NXPH1: variants seen among roughly 807,000 people sequenced by gnomAD.
The protein encoded by NXPH1 is neurexophilin 1, also known as neurexophilin-1.
NXPH1 carries 5 observed loss-of-function variants against 23.7 expected under a neutral mutation model. That is an observed-to-expected ratio of 0.21 (90% CI 0.11 to 0.44). NXPH1 has a LOEUF of 0.44. NXPH1 is among the 20% of genes least tolerant of loss of function. NXPH1 has a pLI of 0.99. For synonymous variants in NXPH1, 144 were observed against 122.2 expected (o/e 1.18, Z -1.18); for missense variants, 324 against 321.6 (o/e 1.01, Z -0.06).
intron 2 of NXPH1, among the ~76,000 whole-genome samples, chr7:8,653,324 G>C: frequency 6.6e-6 from 1 of 152,134 alleles, no homozygotes; most frequent in East Asian, 1.9e-4. Context: ...TATTTTAGCA[G>C]TTTTGGTGGT....
At chr7:8,602,193 T>C (rs1162631573) in intron 2 of NXPH1, among the ~76,000 whole-genome samples, 1 of 152,184 alleles carries the variant, frequency 6.6e-6, no homozygotes, top group Non-Finnish European at 1.5e-5. Flanking sequence ...AATATTTTGG[T>C]GTTATATGCT....
At chr7:8,459,769 C>T (rs1337635443) in intron 2 of NXPH1, among the ~76,000 whole-genome samples, 1 of 152,106 alleles carries the variant, frequency 6.6e-6, no homozygotes, top group Non-Finnish European at 1.5e-5. Flanking sequence ...GATATAAAAT[C>T]CCATTATGAA....
At chr7:8,474,782 T>G (rs888991660) in intron 2 of NXPH1, among the ~76,000 whole-genome samples, 1 of 152,112 alleles carries the variant, frequency 6.6e-6, no homozygotes, top group Non-Finnish European at 1.5e-5. Context: ...TTTTCCAACC[T>G]CACTTTTATA....
At chr7:8,440,261 C>A (rs529772722) in intron 2 of NXPH1, among the ~76,000 whole-genome samples, 2 of 152,366 alleles carry the variant, frequency 1.3e-5, no homozygotes, top group East Asian at 3.9e-4. Flanking sequence ...AAGAAAGCAG[C>A]TCGCCCAAGT....
At chr7:8,637,353 G>T (rs1055049379) in intron 2 of NXPH1, among the ~76,000 whole-genome samples, 3 of 151,990 alleles carry the variant, frequency 2.0e-5, no homozygotes, top group African/African-American at 7.2e-5. Flanking sequence ...TTCTTCAGTA[G>T]CTGGGACCAC....
chr7:8,547,072 TA>T (rs1377895809), intron 2 of NXPH1, among the ~76,000 whole-genome samples: 5 of 151,382 alleles, frequency 3.3e-5, no homozygotes, highest in African/African-American at 1.2e-4. Context: ...CTGAAGTCTA[TA>T]TGGAAGTAAC....
intron 2 of NXPH1, among the ~76,000 whole-genome samples, chr7:8,665,076 A>G (rs2115164750): frequency 1.1e-5 from 1 of 87,296 alleles, no homozygotes; most frequent in East Asian, 4.6e-4. Flanking sequence ...ATCTGGGGTC[A>G]TATAAAAAAA....
At chr7:8,540,330 AT>A (rs1818094579) in intron 2 of NXPH1, among the ~76,000 whole-genome samples, 1 of 151,852 alleles carries the variant, frequency 6.6e-6, no homozygotes, top group African/African-American at 2.4e-5. Flanking sequence ...TTGGGGCCAA[AT>A]TTACACTGAA....
At chr7:8,630,375 C>A (rs970057822) in intron 2 of NXPH1, among the ~76,000 whole-genome samples, 1 of 151,966 alleles carries the variant, frequency 6.6e-6, no homozygotes. Flanking sequence ...CATTTTATGT[C>A]CAGGATTGGA....
intron 2 of NXPH1, among the ~76,000 whole-genome samples, chr7:8,608,308 C>A (rs946994154): frequency 6.7e-6 from 1 of 150,296 alleles, no homozygotes. Context: ...TTCATTAGGA[C>A]AAATTCTTAA....
In NXPH1 at chr7:8,654,711, TTA is replaced by T. The variant is rs202071268; in HGVS notation, c.55-96295_55-96294del. ...CCACCTCTTTTCATAGACACATACT[TTA>T]TGTTTGGGAAGAGGTGCTCTAGGTG... On this transcript the variant is annotated intron_variant, in intron 2 of 2. Transcript: ENST00000405863. 6.6e-3 allele frequency among the ~76,000 whole-genome samples: 1,007 copies of T among 152,248 alleles called. 20 individuals carry two copies. Among genetic ancestry groups the T allele is most frequent in the African/African-American group, 0.023 (944 of 41,540 alleles).
chr7:8,445,983 C>G (rs1436355618), intron 2 of NXPH1, among the ~76,000 whole-genome samples: 1 of 152,214 alleles, frequency 6.6e-6, no homozygotes, highest in East Asian at 1.9e-4. Context: ...AATGATTCTT[C>G]TCCTTGTAAC....
At chr7:8,750,746 T>C (rs1252939116) in intron 2 of NXPH1, among the ~76,000 whole-genome samples, 1 of 152,176 alleles carries the variant, frequency 6.6e-6, no homozygotes, top group Non-Finnish European at 1.5e-5. Context: ...TCCATTGTTA[T>C]ACAAAAATAT....
intron 2 of NXPH1, among the ~76,000 whole-genome samples, chr7:8,679,393 A>G (rs1306925982): frequency 6.6e-6 from 1 of 152,208 alleles, no homozygotes; most frequent in Non-Finnish European, 1.5e-5. Context: ...GGAGAGCTCT[A>G]TGAAAAGAGA....
At chr7:8,563,037 C>G (rs1002681012) in intron 2 of NXPH1, among the ~76,000 whole-genome samples, 5 of 151,652 alleles carry the variant, frequency 3.3e-5, no homozygotes, top group Admixed American at 2.0e-4. Context: ...CATATACATA[C>G]TTAGTTCTAC....
intron 2 of NXPH1, among the ~76,000 whole-genome samples, chr7:8,638,085 A>T (rs1297719996): frequency 6.6e-6 from 1 of 152,174 alleles, no homozygotes; most frequent in Non-Finnish European, 1.5e-5. Flanking sequence ...GAACAGAAAA[A>T]ACTCCAGCTT....
intron 2 of NXPH1, among the ~76,000 whole-genome samples, chr7:8,574,722 G>A (rs1818719763): frequency 6.6e-6 from 1 of 152,046 alleles, no homozygotes; most frequent in African/African-American, 2.4e-5. Flanking sequence ...ATCTTGTTCA[G>A]CCTTGGATTC....
chr7:8,454,959 T>C (rs971342681), intron 2 of NXPH1, among the ~76,000 whole-genome samples: 2 of 152,194 alleles, frequency 1.3e-5, no homozygotes, highest in African/African-American at 4.8e-5. Context: ...AGAAGTATGT[T>C]TTCTTTGATA....
At chr7:8,637,285 C>T (rs1234307663) in intron 2 of NXPH1, among the ~76,000 whole-genome samples, 1 of 151,604 alleles carries the variant, frequency 6.6e-6, no homozygotes, top group African/African-American at 2.4e-5. Context: ...TTCAGTGGTG[C>T]AATCATGGCT....
Sources: gnomAD v4.1 joint callset for allele counts (sites outside exome capture counted in the v4.1 genomes callset) on GRCh38, gnomAD v4.1.1 for gene constraint, MANE v1.5 for transcripts, NCBI Gene and HGNC (gene_info 2026-07-23, HGNC 2026-07-21) for gene names.